CCSER1: variants seen among roughly 807,000 people sequenced by gnomAD.
The protein encoded by CCSER1 is serine-rich coiled-coil domain-containing protein 1.
In CCSER1, 41 loss-of-function variants were observed where a neutral mutation model predicts 82.0. The ratio of observed to expected loss-of-function variants is 0.50; its 90% CI spans 0.39 to 0.65. The LOEUF (loss-of-function observed/expected upper bound fraction) is 0.65. CCSER1 is among the 30% of genes least tolerant of loss of function. The probability of loss-of-function intolerance (pLI) is 0.00; values close to 1 mark genes in which losing one functional copy is unlikely to be tolerated. For synonymous variants in CCSER1, 414 were observed against 383.9 expected (o/e 1.08, Z -0.92); for missense variants, 1,119 against 1,064.2 (o/e 1.05, Z -0.72).
At chr4:90,493,056 G>T (rs1240608727) in intron 5 of CCSER1, among the ~76,000 whole-genome samples, 1 of 152,142 alleles carries the variant, frequency 6.6e-6, no homozygotes, top group Non-Finnish European at 1.5e-5. Context: ...AACCACTGTA[G>T]AGAAGTCCTT....
chr4:91,375,538 G>C (rs1203511704), intron 10 of CCSER1, among the ~76,000 whole-genome samples: 1 of 143,714 alleles, frequency 7.0e-6, no homozygotes, highest in East Asian at 2.0e-4. Flanking sequence ...TTTTTTTTAA[G>C]ACAACTAAAG....
chr4:91,098,544 A>AT (rs1273556605), intron 10 of CCSER1, among the ~76,000 whole-genome samples: 14,619 of 145,432 alleles, frequency 0.1, 911 homozygotes, highest in Non-Finnish European at 0.14. Context: ...ACTGGAGATA[A>AT]TTTTTTTTTT....
chr4:91,374,498 G>A (rs1459209149), intron 10 of CCSER1, among the ~76,000 whole-genome samples: 1 of 152,144 alleles, frequency 6.6e-6, no homozygotes, highest in Non-Finnish European at 1.5e-5. Flanking sequence ...GATACTGAAT[G>A]TTTTAAGCCC....
chr4:91,155,086 T>C (rs1296297969), intron 10 of CCSER1, among the ~76,000 whole-genome samples: 2 of 151,914 alleles, frequency 1.3e-5, no homozygotes, highest in Non-Finnish European at 2.9e-5. Context: ...CCATAATTCT[T>C]TGGGCTTGTC....
intron 10 of CCSER1, among the ~76,000 whole-genome samples, chr4:91,204,335 A>G (rs1736164146): frequency 6.6e-6 from 1 of 151,782 alleles, no homozygotes; most frequent in South Asian, 2.1e-4. Context: ...TGACCTCATC[A>G]AGGAGCTTGC....
rs572269034 is a variant in CCSER1, at chr4:90,683,855, ATTGTCT to A, written c.1933-40056_1933-40051del. ...ATTGTATGTCTGACAATAGTCTAAA[ATTGTCT>A]TTTGAGCCATGTTTCCTTGACTGAA... On this transcript the variant is annotated intron_variant, in intron 6 of 10. Coordinates refer to ENST00000509176, the MANE Select transcript of CCSER1 (RefSeq NM_001145065.2). 6.0e-4 allele frequency among the ~76,000 whole-genome samples: 91 copies of A among 152,246 alleles called. 1 individual carries two copies. The East Asian group carries it at 0.014, about 24-fold the overall frequency.
chr4:91,199,621 A>G (rs1735739503), intron 10 of CCSER1, among the ~76,000 whole-genome samples: 1 of 152,108 alleles, frequency 6.6e-6, no homozygotes, highest in Admixed American at 6.6e-5. Context: ...TGTCCTCAAG[A>G]AAAATGTTTT....
At chr4:90,698,504 C>T (rs766756042) in intron 6 of CCSER1, among the ~76,000 whole-genome samples, 6 of 152,226 alleles carry the variant, frequency 3.9e-5, no homozygotes, top group Middle Eastern at 3.4e-3. Context: ...GCAAAGCATT[C>T]CCCATTTACA....
chr4:90,522,615 A>G (rs995660218), intron 5 of CCSER1, among the ~76,000 whole-genome samples: 7 of 152,086 alleles, frequency 4.6e-5, no homozygotes, highest in Non-Finnish European at 1.0e-4. Context: ...AAACTCTAAG[A>G]CCCAGCATAA....
chr4:91,160,369 T>A (rs1358060271), intron 10 of CCSER1, among the ~76,000 whole-genome samples: 7 of 152,342 alleles, frequency 4.6e-5, no homozygotes, highest in South Asian at 2.1e-4. Flanking sequence ...TGTACATGTG[T>A]CTTTATAGTA....
chr4:90,173,538 G>A (rs1472494296), intron 1 of CCSER1, among the ~76,000 whole-genome samples: 1 of 151,828 alleles, frequency 6.6e-6, no homozygotes. Flanking sequence ...ATAAGTAGGA[G>A]CCTGGGTCAG....
chr4:90,198,852 A>G (rs17016637), intron 1 of CCSER1, among the ~76,000 whole-genome samples: 7,094 of 152,134 alleles, frequency 0.047, 410 homozygotes, highest in East Asian at 0.25. Flanking sequence ...AGTTATGCTA[A>G]TATAAATGTT....
chr4:90,275,818 A>G (rs74487143), intron 1 of CCSER1, among the ~76,000 whole-genome samples: 1,905 of 152,320 alleles, frequency 0.013, 52 homozygotes, highest in African/African-American at 0.043. Context: ...ATACAAGCAT[A>G]TTCACTATAC....
At chr4:90,229,285 T>C (rs2153426262) in intron 1 of CCSER1, among the ~76,000 whole-genome samples, 1 of 152,320 alleles carries the variant, frequency 6.6e-6, no homozygotes, top group South Asian at 2.1e-4. Context: ...GCAGAAATTC[T>C]ACAAGCCAGA....
intron 10 of CCSER1, among the ~76,000 whole-genome samples, chr4:91,589,027 C>T (rs1764142025): frequency 1.3e-5 from 2 of 151,720 alleles, no homozygotes; most frequent in South Asian, 2.1e-4. Flanking sequence ...ATTGTTTGTA[C>T]TATCCTCCAA....
intron 4 of CCSER1, among the ~76,000 whole-genome samples, chr4:90,436,521 G>T (rs1431324386): frequency 6.6e-6 from 1 of 152,162 alleles, no homozygotes; most frequent in Non-Finnish European, 1.5e-5. Flanking sequence ...CTTACAGCTA[G>T]AAGGAAATTA....
intron 10 of CCSER1, 57 bp downstream of exon 10, chr4:91,086,051 C>T: frequency 2.9e-6 from 3 of 1,036,214 alleles, no homozygotes; most frequent in Non-Finnish European, 4.4e-6. Flanking sequence ...TATGGTGTTG[C>T]AGTGATGTGG....
intron 4 of CCSER1, among the ~76,000 whole-genome samples, chr4:90,417,442 A>T (rs1006054139): frequency 6.6e-6 from 1 of 152,072 alleles, no homozygotes; most frequent in African/African-American, 2.4e-5. Flanking sequence ...TAAGGTTGAT[A>T]TTTACAATTT....
At chr4:90,996,246 A>C (rs1737482748) in intron 9 of CCSER1, among the ~76,000 whole-genome samples, 1 of 152,098 alleles carries the variant, frequency 6.6e-6, no homozygotes, top group East Asian at 1.9e-4. Context: ...AAATCTCTAT[A>C]ATGAATGGTA....
Sources: allele counts gnomAD v4.1 joint callset (sites outside exome capture counted in the v4.1 genomes callset), GRCh38; gene constraint gnomAD v4.1.1; transcripts MANE v1.5; gene names NCBI Gene and HGNC (gene_info 2026-07-23, HGNC 2026-07-21).